Variants in PTPRD observed in about 807,000 individuals in gnomAD.
The protein encoded by PTPRD is receptor-type tyrosine-protein phosphatase delta.
Under a neutral mutation model 214.5 loss-of-function variants are expected in PTPRD, and 34 were observed. That is an observed-to-expected ratio of 0.16 (90% confidence interval 0.12 to 0.21). The LOEUF is 0.21. PTPRD is among the 10% of genes least tolerant of loss of function. PTPRD has a pLI of 1.00. For synonymous variants in PTPRD, 1,128 were observed against 845.7 expected (o/e 1.33, Z -5.79); for missense variants, 2,545 against 2,398.7 (o/e 1.06, Z -1.27).
chr9:9,800,823 C>G (rs1362868311), intron 5 of PTPRD: 1 of 152,100 alleles, frequency 6.6e-6, no homozygotes, highest in African/African-American at 2.4e-5. Flanking sequence ...ATAGCAGTAC[C>G]TATAATAAGC....
At chr9:9,809,562 C>A (rs1021780786) in intron 5 of PTPRD, among the ~76,000 whole-genome samples, 3 of 152,162 alleles carry the variant, frequency 2.0e-5, no homozygotes, top group Non-Finnish European at 1.5e-5. Flanking sequence ...CTGCTCCCAG[C>A]AGGATCAAGT....
chr9:10,042,220 G>A (rs1422747863), intron 3 of PTPRD, among the ~76,000 whole-genome samples: 1 of 151,840 alleles, frequency 6.6e-6, no homozygotes, highest in Non-Finnish European at 1.5e-5. Flanking sequence ...CTGCCACAGG[G>A]GTCATTTCTC....
chr9:10,097,043 G>C (rs1009799836), intron 3 of PTPRD, among the ~76,000 whole-genome samples: 1 of 151,738 alleles, frequency 6.6e-6, no homozygotes, highest in African/African-American at 2.4e-5. Context: ...AGATCAGATA[G>C]TTGTAGATAT....
At chr9:9,424,285 T>G (rs1032932329) in intron 8 of PTPRD, among the ~76,000 whole-genome samples, 1 of 152,196 alleles carries the variant, frequency 6.6e-6, no homozygotes, top group Non-Finnish European at 1.5e-5. Context: ...CCCCAAATTC[T>G]TATCTCAGAG....
chr9:8,337,919 G>A (rs918232321), intron 43 of PTPRD, among the ~76,000 whole-genome samples: 11 of 151,512 alleles, frequency 7.3e-5, no homozygotes, highest in Non-Finnish European at 1.5e-4. Context: ...TCAAGACCTA[G>A]AGATTTAACT....
At chr9:10,150,403 T>C (rs978664423) in intron 3 of PTPRD, among the ~76,000 whole-genome samples, 2 of 152,036 alleles carry the variant, frequency 1.3e-5, no homozygotes, top group Non-Finnish European at 2.9e-5. Flanking sequence ...GAGCAAACCA[T>C]TGCAGAAACA....
chr9:10,497,526 T>A (rs1047313430), intron 2 of PTPRD, among the ~76,000 whole-genome samples: 1 of 152,038 alleles, frequency 6.6e-6, no homozygotes, highest in Non-Finnish European at 1.5e-5. Context: ...ATAAATGTAG[T>A]TCAAACATGT....
chr9:9,102,632 A>G (rs2099792963), intron 10 of PTPRD, among the ~76,000 whole-genome samples: 1 of 152,242 alleles, frequency 6.6e-6, no homozygotes, highest in African/African-American at 2.4e-5. Flanking sequence ...TAGATAATTT[A>G]GCCCATGTGG....
intron 11 of PTPRD, among the ~76,000 whole-genome samples, chr9:8,739,557 A>T (rs1221032190): frequency 6.6e-6 from 1 of 152,234 alleles, no homozygotes; most frequent in African/African-American, 2.4e-5. Flanking sequence ...GGTTTACAGC[A>T]CTGAACAGAA....
At chr9:8,461,140 T>C (rs1240690803) in intron 32 of PTPRD, among the ~76,000 whole-genome samples, 1 of 152,066 alleles carries the variant, frequency 6.6e-6, no homozygotes, top group Admixed American at 6.6e-5. Flanking sequence ...AGTTAGGAAA[T>C]GGAGGCCAAA....
intron 7 of PTPRD, among the ~76,000 whole-genome samples, chr9:9,582,398 C>T (rs967934078): frequency 1.3e-5 from 2 of 151,952 alleles, no homozygotes; most frequent in Admixed American, 1.3e-4. Context: ...AAGAGGCCAC[C>T]CCAACCTCTT....
intron 3 of PTPRD, among the ~76,000 whole-genome samples, chr9:10,221,276 T>C (rs1228781080): frequency 2.6e-5 from 4 of 152,012 alleles, no homozygotes; most frequent in Non-Finnish European, 4.4e-5. Flanking sequence ...TACAAACATA[T>C]TCATGCTCAC....
intron 8 of PTPRD, among the ~76,000 whole-genome samples, chr9:9,555,008 T>C (rs2081175875): frequency 6.6e-6 from 1 of 152,084 alleles, no homozygotes. Flanking sequence ...TTTTTATCAT[T>C]TGTGCAAAGA....
intron 8 of PTPRD, among the ~76,000 whole-genome samples, chr9:9,543,300 T>C (rs760560008): frequency 1.8e-4 from 27 of 151,794 alleles, no homozygotes; most frequent in Middle Eastern, 3.4e-3. Flanking sequence ...TGGTGGATGT[T>C]AGAGTTGTAG....
At chr9:9,320,414 C>T (rs1000646731) in intron 9 of PTPRD, among the ~76,000 whole-genome samples, 3 of 152,084 alleles carry the variant, frequency 2.0e-5, no homozygotes, top group African/African-American at 7.2e-5. Context: ...TCCTGAAAAT[C>T]CTCATTTTAG....
chr9:8,722,823 C>G (rs2098515705), intron 12 of PTPRD, among the ~76,000 whole-genome samples: 1 of 152,070 alleles, frequency 6.6e-6, no homozygotes. Flanking sequence ...TAAAACTGAC[C>G]AGAGATAACG....
At chr9:10,532,933 A>G (rs1034734749) in intron 2 of PTPRD, among the ~76,000 whole-genome samples, 2 of 151,986 alleles carry the variant, frequency 1.3e-5, no homozygotes, top group Non-Finnish European at 2.9e-5. Flanking sequence ...ATGCTGATAC[A>G]TGATTCCCAG....
chr9:8,563,971 A>G (rs745487290), intron 14 of PTPRD, among the ~76,000 whole-genome samples: 4 of 152,166 alleles, frequency 2.6e-5, no homozygotes, highest in Non-Finnish European at 4.4e-5. Flanking sequence ...CGGCCTCGGC[A>G]TACAATTTTC....
intron 2 of PTPRD, among the ~76,000 whole-genome samples, chr9:10,602,092 G>T (rs1480547319): frequency 1.3e-5 from 2 of 151,608 alleles, no homozygotes; most frequent in East Asian, 1.9e-4. Flanking sequence ...TCCGATTTTT[G>T]TATGTATTTT....
Sources: gnomAD v4.1 joint callset for allele counts (sites outside exome capture counted in the v4.1 genomes callset) on GRCh38, gnomAD v4.1.1 for gene constraint, MANE v1.5 for transcripts, NCBI Gene and HGNC (gene_info 2026-07-23, HGNC 2026-07-21) for gene names.